Variants in LEO1 observed in about 807,000 individuals in gnomAD.
The protein encoded by LEO1 is RNA polymerase-associated protein LEO1.
In LEO1, 34 loss-of-function variants were observed where a neutral mutation model predicts 80.4. That is an observed-to-expected ratio of 0.42 (90% CI 0.32 to 0.56). The LOEUF is 0.56. LEO1 is among the 20% of genes least tolerant of loss of function. The pLI is 0.10. For missense variants in LEO1, 631 were observed against 814.2 expected, an observed-to-expected ratio of 0.77 and a Z score of 2.74; for synonymous variants, 262 against 274.9, an observed-to-expected ratio of 0.95 and a Z score of 0.46.
intron 1 of LEO1, among the ~76,000 whole-genome samples, chr15:51,969,608 G>A (rs866830327): frequency 4.6e-5 from 7 of 152,012 alleles, no homozygotes; most frequent in Admixed American, 1.3e-4. Flanking sequence ...TTGAGAGGCC[G>A]AGGCAGGTGG....
rs1316199452 is a variant in LEO1 at position 51,966,381 on chromosome 15, A to C, written c.182T>G (p.Leu61Arg). 3.7e-6 allele frequency: 6 copies of C among 1,614,022 alleles called. No individual in the cohort carries two copies. The highest frequency in any genetic ancestry group is 5.1e-6 in the Non-Finnish European group (6 of 1,179,986). The stretch of plus-strand genomic sequence containing the variant: ...CTCGTCCTCACTGTCATCTCCAAAC[A>C]GTTCCTTATTACTTGGTTGTCCTGA... ...GDSGQPSNKE[L>R]FGDDSEDEGA... is the part of the protein sequence containing the mutation. Residue 61 changes from leucine to arginine, a missense_variant, in exon 2 of 12, where the codon CTG (leucine) becomes CGG (arginine). Leu to Arg is a moderately radical substitution (Grantham distance 102, BLOSUM62 -2). Transcript: ENST00000299601.
At chr15:51,955,477 G>A (rs2056982033) in intron 6 of LEO1, among the ~76,000 whole-genome samples, 4 of 152,178 alleles carry the variant, frequency 2.6e-5, no homozygotes, top group Admixed American at 2.6e-4. Flanking sequence ...GAAAACCACT[G>A]TTACTGAAAG....
chr15:51,943,422 C>G (rs1224023866), intron 11 of LEO1, among the ~76,000 whole-genome samples: 2 of 151,552 alleles, frequency 1.3e-5, no homozygotes, highest in African/African-American at 4.8e-5. Context: ...TAAAAATAGG[C>G]TAGGCACAGT....
In LEO1 at chr15:51,938,135, AAT is replaced by A. The variant is rs759795418; in HGVS notation, c.*19_*20del. 27 of 1,245,710 alleles carry A rather than the reference AAT, an allele frequency of 2.2e-5. No individual in the cohort carries two copies. Among genetic ancestry groups the A allele is most frequent in the Non-Finnish European group, 3.0e-5 (26 of 860,628 alleles). The allele number at this position is 1,245,710 out of a possible 1,614,324, so 77.2% of individuals were successfully genotyped here. A position where few individuals can be genotyped will look rare whatever the true frequency, so the allele number is the denominator to read the frequency against. On this transcript the variant is annotated 3_prime_UTR_variant, in exon 12 of 12. Transcript: ENST00000299601. ...TATAACTGTACAATAAAATATATAAAATGTTTTCATATTTCATACTTCAATCA... is the reference window on the plus strand; with the variant it reads ...TATAACTGTACAATAAAATATATAAAGTTTTCATATTTCATACTTCAATCA...
chr15:51,941,159 C>T (rs2056849140), intron 11 of LEO1, among the ~76,000 whole-genome samples: 1 of 152,192 alleles, frequency 6.6e-6, no homozygotes, highest in Non-Finnish European at 1.5e-5. Context: ...GTTCCTCAGA[C>T]TCCCAGGACT....
In LEO1 at chr15:51,961,240, G is replaced by T. The variant is rs998620241; in HGVS notation, c.920-507C>A. On this transcript the variant is annotated intron_variant, in intron 3 of 11. Coordinates refer to ENST00000299601, the MANE Select transcript of LEO1 (RefSeq NM_138792.4). ...TCTACTAAAAATACAAAAACTAGCTGGGCTTGGTGACAGGTGCCTGTAATC... is the reference window on the plus strand; with the variant it reads ...TCTACTAAAAATACAAAAACTAGCTTGGCTTGGTGACAGGTGCCTGTAATC... Among the ~76,000 whole-genome samples, 5 of 152,058 alleles carry T rather than the reference G, an allele frequency of 3.3e-5. No homozygotes were observed. In the East Asian group the frequency reaches 5.8e-4, roughly 18 times the overall value.
rs1184507884 is a variant in LEO1, at chr15:51,966,085, G to A, written c.478C>T (p.Gln160Ter). ...KSDQSDDEKI[Q>*]NSDDEERAQG... ...GCCCTCTCCTCATCATCAGAATTTT[G>A]TATCTTTTCATCATCTGACTGGTCA... Residue 160 changes from glutamine to a stop codon, truncating the protein, a stop_gained, in exon 2 of 12, where the codon CAA becomes TAA. Coordinates refer to ENST00000299601, the MANE Select transcript of LEO1 (RefSeq NM_138792.4). LOFTEE classifies it high-confidence loss of function. The A allele has an allele frequency of 6.2e-7, 1 of 1,613,902 alleles. No individual in the cohort carries two copies. Among genetic ancestry groups the A allele is most frequent in the Non-Finnish European group, 8.5e-7 (1 of 1,179,996 alleles).
At chr15:51,968,245 G>A (rs1233631339) in intron 1 of LEO1, among the ~76,000 whole-genome samples, 1 of 151,476 alleles carries the variant, frequency 6.6e-6, no homozygotes, top group Non-Finnish European at 1.5e-5. Flanking sequence ...TGTCTTAGAG[G>A]ACAATAAAAT....
chr15:51,953,087 C>CT, intron 8 of LEO1, 42 bp downstream of exon 8: 1 of 1,554,644 alleles, frequency 6.4e-7, no homozygotes, highest in Non-Finnish European at 8.8e-7. Context: ...TGTTTCACTG[C>CT]TTTTACCATA....
chr15:51,960,484 C>A (rs1168894062), intron 4 of LEO1, among the ~76,000 whole-genome samples, 155 bp downstream of exon 4: 2 of 152,182 alleles, frequency 1.3e-5, no homozygotes, highest in Non-Finnish European at 2.9e-5. Context: ...CCCCTTATAA[C>A]CAAGAGTTCC....
intron 1 of LEO1, among the ~76,000 whole-genome samples, chr15:51,969,492 G>C (rs141262912): frequency 6.6e-6 from 1 of 151,586 alleles, no homozygotes; most frequent in Non-Finnish European, 1.5e-5. Context: ...AAAATTAGCA[G>C]GGTGTGGTGG....
In LEO1 at chr15:51,965,858, T is replaced by C. The variant is rs1247610515; in HGVS notation, c.705A>G (p.Pro235=). The C allele has an allele frequency of 1.9e-6, 3 of 1,614,140 alleles. No homozygotes were observed. Among genetic ancestry groups the C allele is most frequent in the South Asian group, 2.2e-5 (2 of 91,076 alleles). The change falls in exon 2 of 12, where the codon CCA becomes CCG. Residue 235 remains proline, a synonymous_variant. Transcript: ENST00000299601. The part of the protein sequence containing the change: ...EKQNSDDEEQ[P]QLSDEEKMQN... ...GCATTTTCTCTTCATCAGACAGCTG[T>C]GGTTGTTCTTCATCATCAGAATTCT... is the stretch of plus-strand genomic sequence containing the variant.
At position 51,966,358 on chromosome 15, in the gene LEO1, C is replaced by T. The variant is rs750132087; in HGVS notation, c.205G>A (p.Glu69Lys). 6 of 1,614,134 alleles carry T rather than the reference C, an allele frequency of 3.7e-6. No individual in the cohort carries two copies. Among genetic ancestry groups the T allele is most frequent in the Admixed American group, 3.3e-5 (2 of 60,022 alleles). ...KELFGDDSEDEGASHHSGSDN... is the reference protein window; with the variant it reads ...KELFGDDSEDKGASHHSGSDN... ...CTACCACTATGATGTGAAGCTCCCT[C>T]GTCCTCACTGTCATCTCCAAACAGT... Residue 69 changes from glutamate (E) to lysine (K), a missense_variant, in exon 2 of 12, where the codon GAG becomes AAG. Around this residue, in one of 4 missense-constraint regions of LEO1, gnomAD observed 394 missense variants for 395.6 expected, o/e 1.00. Coordinates refer to ENST00000299601, the MANE Select transcript of LEO1 (RefSeq NM_138792.4).
chr15:51,941,818 G>A (rs1245172149), intron 11 of LEO1, among the ~76,000 whole-genome samples: 1 of 152,180 alleles, frequency 6.6e-6, no homozygotes, highest in Non-Finnish European at 1.5e-5. Context: ...TTTCAAATCT[G>A]TTGTTTTTAA....
At chr15:51,943,588 T>C (rs956079873) in intron 11 of LEO1, among the ~76,000 whole-genome samples, 4 of 150,910 alleles carry the variant, frequency 2.7e-5, no homozygotes, top group African/African-American at 7.3e-5. Context: ...TAATCCCAGC[T>C]ACTTGGGAGG....
In LEO1 at chr15:51,966,508, T is replaced by C. The variant is rs1372190176; in HGVS notation, c.59-4A>G. 6.6e-7 allele frequency: 1 copy of C among 1,519,980 alleles called. No homozygotes were observed. The highest frequency in any genetic ancestry group is 1.4e-5 in the African/African-American group (1 of 72,830). The allele number at this position is 1,519,980 out of a possible 1,614,324, so 94.2% of individuals were successfully genotyped here. On this transcript the variant is annotated splice_region_variant and splice_polypyrimidine_tract_variant and intron_variant, in intron 1 of 11. Transcript: ENST00000299601. ...GAGTCAGATCCAGAATCAGAATCTA[T>C]GGGGTCATATAAACATAGGATAACA... is the stretch of plus-strand genomic sequence containing the variant.
rs1370334092 is a variant in LEO1, at chr15:51,964,127, A to ATGGCGTGAT, written c.814+1621_814+1622insATCACGCCA. On this transcript the variant is annotated intron_variant, in intron 2 of 11. Coordinates refer to ENST00000299601, the MANE Select transcript of LEO1 (RefSeq NM_138792.4). ...AGGCTGAGGCAGGAGAATGGCGTGA[A>ATGGCGTGAT]CCCAGGAGGCGGAGCTTGCAGTGAG... is the stretch of plus-strand genomic sequence containing the variant. Among the ~76,000 whole-genome samples, 33 of 151,832 alleles carry ATGGCGTGAT rather than the reference A, an allele frequency of 2.2e-4. No individual in the cohort carries two copies. In the South Asian group the frequency reaches 2.5e-3, roughly 12 times the overall value.
chr15:51,948,750 A>G (rs2056922383), intron 10 of LEO1, among the ~76,000 whole-genome samples: 1 of 152,244 alleles, frequency 6.6e-6, no homozygotes, highest in African/African-American at 2.4e-5. Context: ...AAGTTATACA[A>G]CTAAAAAGTG....
In LEO1 at chr15:51,947,292, C is replaced by G; in HGVS notation, c.1896G>C (p.Glu632Asp). 2 of 1,605,348 alleles carry G rather than the reference C, an allele frequency of 1.2e-6. No homozygotes were observed. Among genetic ancestry groups the G allele is most frequent in the Non-Finnish European group, 1.7e-6 (2 of 1,172,102 alleles). The change falls in exon 11 of 12, where the codon GAG becomes GAC. Residue 632 changes from glutamate to aspartate, a missense_variant and splice_region_variant. Transcript: ENST00000299601. ...LLKAKKLTSD[E>D]EGEPSGKRKA... ...TAGAATTGAATAAATTTGGTCTTAC[C>G]TCATCACTGGTAAGTTTCTTTGCTT...
Sources: gnomAD v4.1 joint callset for allele counts (sites outside exome capture counted in the v4.1 genomes callset) on GRCh38, gnomAD v4.1.1 for gene constraint, gnomAD v4.1.1 regional missense constraint, MANE v1.5 for transcripts, NCBI Gene and HGNC (gene_info 2026-07-23, HGNC 2026-07-21) for gene names.